Variants in APP observed in about 807,000 individuals in gnomAD.
APP encodes amyloid beta precursor protein.
In APP, 31 loss-of-function variants were observed where a neutral mutation model predicts 101.4. The observed-to-expected ratio is 0.31, with a 90% confidence interval of 0.23 to 0.41. The LOEUF (loss-of-function observed/expected upper bound fraction) is 0.41, where lower values mean the gene tolerates loss of function less well. APP is among the 10% of genes least tolerant of loss of function. The probability of loss-of-function intolerance (pLI) is 1.00; values close to 1 mark genes in which losing one functional copy is unlikely to be tolerated. For synonymous variants in APP, 366 were observed against 364.4 expected (o/e 1.00, Z -0.05); for missense variants, 839 against 1,003.7 (o/e 0.84, Z 2.22).
In APP at chr21:25,911,925, G is replaced by A. The variant is rs748630651; in HGVS notation, c.1725C>T (p.Asp575=). ...GTTCACTAATCATGTTGGCCAAGAC[G>A]TCATCTGAATAGTTTTGCTCTTTCT... ...LLQKEQNYSD[D]VLANMISEPR... The change falls in exon 14 of 18, where the codon GAC becomes GAT. Residue 575 remains aspartate, a synonymous_variant. Coordinates refer to ENST00000346798, the MANE Select transcript of APP (RefSeq NM_000484.4). 5 of 1,614,002 alleles carry A rather than the reference G, an allele frequency of 3.1e-6. No homozygotes were observed. In the African/African-American group the frequency reaches 4.0e-5, roughly 13 times the overall value.
chr21:26,101,816 T>A (rs1176447520), intron 2 of APP, among the ~76,000 whole-genome samples: 1 of 152,158 alleles, frequency 6.6e-6, no homozygotes, highest in Non-Finnish European at 1.5e-5. Context: ...ACCCTCCAAT[T>A]TGCAACCTCA....
At chr21:25,998,347 GGAGTCC>G (rs1413790095) in intron 7 of APP, among the ~76,000 whole-genome samples, 1 of 150,996 alleles carries the variant, frequency 6.6e-6, no homozygotes, top group African/African-American at 2.4e-5. Flanking sequence ...ACTGAAGAAG[GGAGTCC>G]TTTGAGCCAG....
chr21:26,052,130 A>T (rs935780855), intron 4 of APP, among the ~76,000 whole-genome samples: 1 of 152,220 alleles, frequency 6.6e-6, no homozygotes, highest in South Asian at 2.1e-4. Context: ...CTAAATCTTC[A>T]GTGGTATTTT....
chr21:25,902,334 A>G (rs1234857725), intron 15 of APP, among the ~76,000 whole-genome samples: 1 of 152,218 alleles, frequency 6.6e-6, no homozygotes, highest in Non-Finnish European at 1.5e-5. Flanking sequence ...TGGTCTCTAA[A>G]ATGTGAAGAA....
At chr21:25,929,487 C>T (rs748334916) in intron 13 of APP, among the ~76,000 whole-genome samples, 1 of 151,404 alleles carries the variant, frequency 6.6e-6, no homozygotes, top group Admixed American at 6.6e-5. Flanking sequence ...GTAAATTTTT[C>T]GAAGTTATTG....
chr21:25,975,809 C>G, intron 10 of APP, 145 bp downstream of exon 10: 1 of 710,084 alleles, frequency 1.4e-6, no homozygotes, highest in Non-Finnish European at 2.6e-6. Flanking sequence ...AACTCAATTA[C>G]TAGACAATGA....
chr21:25,965,321 G>A (rs770299605), intron 11 of APP, among the ~76,000 whole-genome samples: 1 of 152,154 alleles, frequency 6.6e-6, no homozygotes, highest in Non-Finnish European at 1.5e-5. Context: ...CTGATCATCC[G>A]AAAAATGCCA....
At chr21:25,963,340 C>T (rs2146523390) in intron 11 of APP, among the ~76,000 whole-genome samples, 1 of 152,286 alleles carries the variant, frequency 6.6e-6, no homozygotes, top group East Asian at 1.9e-4. Context: ...TCCCACTCCA[C>T]AGCTTTATGC....
intron 15 of APP, among the ~76,000 whole-genome samples, chr21:25,898,967 G>T (rs999274759): frequency 6.6e-6 from 1 of 152,174 alleles, no homozygotes; most frequent in African/African-American, 2.4e-5. Flanking sequence ...TAAGAGCACA[G>T]CCTATACAAG....
chr21:26,137,770 C>T (rs755041315), intron 1 of APP, among the ~76,000 whole-genome samples: 5 of 152,136 alleles, frequency 3.3e-5, no homozygotes, highest in Non-Finnish European at 7.3e-5. Context: ...AACAAACCTA[C>T]TTAGCACAAC....
intron 13 of APP, among the ~76,000 whole-genome samples, chr21:25,939,966 G>T (rs1292528592): frequency 1.3e-5 from 2 of 152,064 alleles, no homozygotes; most frequent in African/African-American, 4.8e-5. Context: ...AGAACTCTAA[G>T]GCCACAGTAG....
chr21:26,051,094 C>T lies in APP; in HGVS notation c.568G>A (p.Ala190Thr). Residue 190 changes from alanine to threonine, a missense_variant, in exon 5 of 18, where the codon GCT (alanine) becomes ACT (threonine). Physicochemically the swap from Ala to Thr is moderately conservative, Grantham distance 58 (BLOSUM62 0). Transcript: ENST00000346798. ...GAATCCACATTGTCACTTTCTTCAG[C>T]CAGTGGGCAACACACAAACTCTACC... ...RGVEFVCCPL[A>T]EESDNVDSAD... is the part of the protein sequence containing the mutation. 1.2e-6 allele frequency: 2 copies of T among 1,614,194 alleles called. No homozygotes were observed. The highest frequency in any genetic ancestry group is 1.7e-6 in the Non-Finnish European group (2 of 1,180,040).
intron 1 of APP, among the ~76,000 whole-genome samples, chr21:26,123,186 T>C (rs2062611692): frequency 6.6e-6 from 1 of 152,184 alleles, no homozygotes; most frequent in Non-Finnish European, 1.5e-5. Flanking sequence ...TTACATTATA[T>C]CGTCTGGTTT....
chr21:26,139,009 CTT>C (rs1012903402), intron 1 of APP, among the ~76,000 whole-genome samples: 3 of 152,046 alleles, frequency 2.0e-5, no homozygotes, highest in Admixed American at 1.3e-4. Flanking sequence ...CACGGTTACA[CTT>C]TCGTATATAT....
At chr21:26,042,145 A>AT (rs2146867792) in intron 5 of APP, among the ~76,000 whole-genome samples, 1 of 152,262 alleles carries the variant, frequency 6.6e-6, no homozygotes, top group Non-Finnish European at 1.5e-5. Flanking sequence ...TTCCTTGAGC[A>AT]TTTAATATCA....
chr21:26,155,014 G>C (rs1199662502), intron 1 of APP, among the ~76,000 whole-genome samples: 2 of 152,212 alleles, frequency 1.3e-5, no homozygotes, highest in African/African-American at 4.8e-5. Flanking sequence ...CACTTTGGGA[G>C]GCCAAAGCGG....
intron 3 of APP, among the ~76,000 whole-genome samples, chr21:26,066,812 A>C (rs2046472586): frequency 6.6e-6 from 1 of 152,192 alleles, no homozygotes; most frequent in South Asian, 2.1e-4. Flanking sequence ...AATAAGGTAG[A>C]AAGAGTTCTA....
chr21:25,886,173 A>G (rs1305475109), intron 17 of APP, among the ~76,000 whole-genome samples: 3 of 150,090 alleles, frequency 2.0e-5, no homozygotes, highest in East Asian at 2.0e-4. Context: ...AAGTCTGCGG[A>G]AAAAAAAAAT....
intron 1 of APP, among the ~76,000 whole-genome samples, chr21:26,146,605 G>C (rs1458171981): frequency 1.3e-5 from 2 of 152,110 alleles, no homozygotes; most frequent in East Asian, 3.8e-4. Flanking sequence ...AAATAACCCA[G>C]TGAGGGAAAA....
Sources: allele counts gnomAD v4.1 joint callset (sites outside exome capture counted in the v4.1 genomes callset), GRCh38; gene constraint gnomAD v4.1.1; transcripts MANE v1.5; gene names NCBI Gene and HGNC (gene_info 2026-07-23, HGNC 2026-07-21).